The following PDZD2 variants were observed in gnomAD, a reference collection of about 807,000 sequenced individuals.
The protein encoded by PDZD2 is PDZ domain containing 2.
In PDZD2, 90 loss-of-function variants were observed where a neutral mutation model predicts 220.7. The ratio of observed to expected loss-of-function variants is 0.41; its 90% CI spans 0.34 to 0.49. The LOEUF is 0.49. PDZD2 is among the 20% of genes least tolerant of loss of function. The probability of loss-of-function intolerance (pLI) is 0.28; values close to 1 mark genes in which losing one functional copy is unlikely to be tolerated. For missense variants in PDZD2, 3,174 were observed against 3,608.5 expected, an observed-to-expected ratio of 0.88 and a Z score of 3.08; for synonymous variants, 1,375 against 1,450.5, an observed-to-expected ratio of 0.95 and a Z score of 1.18.
intron 1 of PDZD2, among the ~76,000 whole-genome samples, chr5:31,784,220 A>G (rs1753243425): frequency 6.6e-6 from 1 of 152,180 alleles, no homozygotes; most frequent in African/African-American, 2.4e-5. Flanking sequence ...AGTGCCCCAC[A>G]TGGCCACTTT....
rs1581471310 is a variant in PDZD2 at position 32,090,026 on chromosome 5, A to C, written c.6578A>C (p.Asp2193Ala). The change falls in exon 20 of 25, where the codon GAC becomes GCC. Residue 2193 changes from aspartate (D) to alanine (A), a missense_variant. By Grantham distance (126) the Asp-to-Ala change is moderately radical (BLOSUM62 -2). This residue lies in a region of PDZD2 where 1,861 missense variants were observed against 2,001.0 expected (regional missense o/e 0.93). Transcript: ENST00000438447. This position sits in a 1 kb window ranked among gnomAD's most constrained non-coding sequence, Gnocchi z 4.3. The part of the protein sequence containing the change: ...YSQGKSSLMS[D>A]SRGVPRNSIP... Reference sequence around the variant, plus strand: ...CAGGGAAAATCAAGCCTGATGTCAGACTCCCGAGGGGTGCCCAGAAACAGC... The same window carrying C: ...CAGGGAAAATCAAGCCTGATGTCAGCCTCCCGAGGGGTGCCCAGAAACAGC... 1.2e-6 allele frequency: 2 copies of C among 1,608,208 alleles called. No homozygotes were observed. The highest frequency in any genetic ancestry group is 1.7e-6 in the Non-Finnish European group (2 of 1,177,484).
chr5:32,085,277 A>T (rs1477367753), intron 19 of PDZD2, among the ~76,000 whole-genome samples: 4 of 141,378 alleles, frequency 2.8e-5, no homozygotes, highest in Non-Finnish European at 4.5e-5. Flanking sequence ...TAATTGACAC[A>T]TAATTGTACA....
chr5:31,922,772 G>T (rs543412933), intron 2 of PDZD2, among the ~76,000 whole-genome samples: 1 of 151,936 alleles, frequency 6.6e-6, no homozygotes, highest in Admixed American at 6.6e-5. Flanking sequence ...CCCCCCCTCC[G>T]GGCTCAAGTG....
chr5:32,071,309 C>T (rs927122273), intron 15 of PDZD2, 75 bp from the exon 16 acceptor site: 5 of 1,050,202 alleles, frequency 4.8e-6, no homozygotes, highest in Admixed American at 3.5e-5. Flanking sequence ...GCCTCCTTTT[C>T]TAGTTAAGGA....
chr5:31,891,479 C>A (rs1417137923), intron 2 of PDZD2, among the ~76,000 whole-genome samples: 1 of 152,180 alleles, frequency 6.6e-6, no homozygotes, highest in African/African-American at 2.4e-5. Context: ...CCACGCCCAG[C>A]TAATTTTGTA....
intron 2 of PDZD2, among the ~76,000 whole-genome samples, chr5:31,878,776 T>A (rs1739579024): frequency 6.6e-6 from 1 of 151,644 alleles, no homozygotes; most frequent in African/African-American, 2.4e-5. Context: ...TTAGCCAGGA[T>A]GGTCTCGATC....
chr5:31,742,741 C>A (rs1225162126), intron 1 of PDZD2, among the ~76,000 whole-genome samples: 1 of 152,134 alleles, frequency 6.6e-6, no homozygotes, highest in Non-Finnish European at 1.5e-5. Context: ...GAATAATATT[C>A]GTGTCTTCCC....
intron 1 of PDZD2, among the ~76,000 whole-genome samples, chr5:31,794,003 G>C (rs568703486): frequency 6.6e-6 from 1 of 152,178 alleles, no homozygotes; most frequent in South Asian, 2.1e-4. Flanking sequence ...GGCCATATTA[G>C]TTTGAAGCAA....
intron 2 of PDZD2, 39 bp from the exon 3 acceptor site, chr5:31,983,116 T>G (rs779207170): frequency 5.1e-6 from 8 of 1,583,726 alleles, no homozygotes. Context: ...CTAGGAAGGG[T>G]GTGTGGGGTT....
chr5:31,905,296 T>G (rs1742542850), intron 2 of PDZD2, among the ~76,000 whole-genome samples: 1 of 152,230 alleles, frequency 6.6e-6, no homozygotes, highest in Non-Finnish European at 1.5e-5. Context: ...ATTTGTGTTT[T>G]GATCAGTGTC....
chr5:31,816,287 C>CAAAAAAAAAAAAAAAAAAAAAAAAA (rs34233316), intron 2 of PDZD2, among the ~76,000 whole-genome samples: 13 of 99,078 alleles, frequency 1.3e-4, no homozygotes, highest in Non-Finnish European at 1.6e-4. Context: ...GACTCCATCT[C>CAAAAAAAAAAAAAAAAAAAAAAAAA]AAAAAAAAAA....
chr5:32,108,988 T>TAA lies in PDZD2; in HGVS notation c.*854_*855dup, dbSNP rs1745093652. Reference sequence around the variant, plus strand: ...CAACTAGTTTTTGAACCTGTCTTGATAAGTGCTTGAATTCAAGACTGGTCA... The same window carrying TAA: ...CAACTAGTTTTTGAACCTGTCTTGATAAAAGTGCTTGAATTCAAGACTGGTCA... On this transcript the variant is annotated 3_prime_UTR_variant, in exon 25 of 25. Transcript: ENST00000438447. The TAA allele has an allele frequency of 6.6e-6, 1 of 152,642 alleles. No individual in the cohort carries two copies. 9.5% of individuals were successfully genotyped at this position (152,642 alleles called of 1,614,324 possible).
Position 32,107,970 on chromosome 5 carries a change from T to C in PDZD2, c.8355T>C (p.Gly2785=), listed in dbSNP as rs144684213. The change falls in exon 25 of 25, where the codon GGT becomes GGC. Residue 2785 remains glycine, a splice_region_variant and synonymous_variant. Coordinates refer to ENST00000438447, the MANE Select transcript of PDZD2 (RefSeq NM_178140.4). The part of the protein sequence containing the change: ...GPLVIKRVYK[G]GAAEQAGIIE... ...ATTATTCTGTGTTTATTCTCGTAGG[T>C]GGTGCGGCTGAACAAGCTGGAATAA... 2.9e-5 allele frequency: 47 copies of C among 1,610,818 alleles called. No homozygotes were observed. The African/African-American group carries it at 5.1e-4, about 17-fold the overall frequency.
At chr5:32,039,081 G>C (rs1395889268) in intron 7 of PDZD2, among the ~76,000 whole-genome samples, 1 of 143,806 alleles carries the variant, frequency 7.0e-6, no homozygotes, top group Non-Finnish European at 1.5e-5. Flanking sequence ...CTGTTTTTAA[G>C]AAAACATCCT....
chr5:32,014,939 CTT>C lies in PDZD2; in HGVS notation c.1407+4476_1407+4477del, dbSNP rs746683258. ...TGGCCAGGATAGTCTCAATCTCTCT[CTT>C]TTTTTTTTTTTTTTTTTTGAGACGG... On this transcript the variant is annotated intron_variant, in intron 6 of 24. Coordinates refer to ENST00000438447, the MANE Select transcript of PDZD2 (RefSeq NM_178140.4). Among the ~76,000 whole-genome samples the C allele has an allele frequency of 8.0e-4, 75 of 93,992 alleles. 3 individuals carry two copies. The highest frequency in any genetic ancestry group is 1.3e-3 in the African/African-American group (33 of 24,720). 61.7% of individuals were successfully genotyped at this position (93,992 alleles called of 152,430 possible).
intron 1 of PDZD2, among the ~76,000 whole-genome samples, chr5:31,660,260 C>T (rs1036692258): frequency 2.6e-5 from 4 of 152,092 alleles, no homozygotes; most frequent in African/African-American, 9.7e-5. Context: ...TTAAATATGT[C>T]CCCATATCTA....
At chr5:31,872,142 G>GGTGTGTGTGTGTGTGTGT (rs55806241) in intron 2 of PDZD2, among the ~76,000 whole-genome samples, 2,610 of 147,726 alleles carry the variant, frequency 0.018, 41 homozygotes, top group Middle Eastern at 0.035. Flanking sequence ...TAAGGTGAGT[G>GGTGTGTGTGTGTGTGTGT]GTGTGTGTGT....
intron 19 of PDZD2, among the ~76,000 whole-genome samples, chr5:32,081,055 C>T (rs1741897799): frequency 6.6e-6 from 1 of 151,586 alleles, no homozygotes; most frequent in South Asian, 2.1e-4. Context: ...CCTGCGCATC[C>T]TGCACATGTA....
intron 2 of PDZD2, among the ~76,000 whole-genome samples, chr5:31,828,748 G>A (rs1756380104): frequency 6.6e-6 from 1 of 152,210 alleles, no homozygotes; most frequent in Non-Finnish European, 1.5e-5. Context: ...CCATCTTCAT[G>A]CCTCAGCCTT....
Sources: gnomAD v4.1 joint callset for allele counts (sites outside exome capture counted in the v4.1 genomes callset) on GRCh38, gnomAD v4.1.1 for gene constraint, gnomAD v4.1.1 regional missense constraint, Gnocchi (gnomAD v3.1) non-coding constraint, MANE v1.5 for transcripts, NCBI Gene and HGNC (gene_info 2026-07-23, HGNC 2026-07-21) for gene names.